The following KPNA3 variants were observed in gnomAD, a reference collection of about 807,000 sequenced individuals.
KPNA3 encodes the protein karyopherin subunit alpha 3, also known as importin subunit alpha-4.
In KPNA3, 13 loss-of-function variants were observed where a neutral mutation model predicts 73.8. The observed-to-expected ratio is 0.18, with a 90% CI of 0.11 to 0.28. The LOEUF is 0.28. Ranked by LOEUF, KPNA3 falls within the 10% of genes least tolerant of loss-of-function variation. The probability of loss-of-function intolerance (pLI) is 1.00; values close to 1 mark genes in which losing one functional copy is unlikely to be tolerated. For missense variants in KPNA3, 360 were observed against 618.1 expected (o/e 0.58, Z 4.43); for synonymous variants, 186 against 206.9 (o/e 0.90, Z 0.87).
At chr13:49,757,920 T>C (rs1213791612) in intron 1 of KPNA3, among the ~76,000 whole-genome samples, 3 of 152,092 alleles carry the variant, frequency 2.0e-5, no homozygotes, top group African/African-American at 7.2e-5. Context: ...CTGGGGAAAC[T>C]GGAGAAAGGA....
At chr13:49,725,316 A>C in intron 7 of KPNA3, 100 bp downstream of exon 7, 1 of 548,582 alleles carries the variant, frequency 1.8e-6, no homozygotes, top group South Asian at 3.4e-5. Flanking sequence ...AAAAGTCATC[A>C]TTTAAAAAAT....
chr13:49,736,141 GGTTTT>G (rs1173774800), intron 2 of KPNA3, among the ~76,000 whole-genome samples: 1 of 151,790 alleles, frequency 6.6e-6, no homozygotes, highest in Non-Finnish European at 1.5e-5. Flanking sequence ...TAGTTCCTTG[GGTTTT>G]GTTTTGTTTT....
chr13:49,699,434 T>C lies in KPNA3; in HGVS notation c.*2366A>G, dbSNP rs1954127539. 6.5e-6 allele frequency: 1 copy of C among 152,704 alleles called. No homozygotes were observed. Among genetic ancestry groups the C allele is most frequent in the South Asian group, 2.1e-4 (1 of 4,828 alleles). 9.5% of individuals were successfully genotyped at this position (152,704 alleles called of 1,614,324 possible). A position where few individuals can be genotyped will look rare whatever the true frequency, so the allele number is the denominator to read the frequency against. On this transcript the variant is annotated 3_prime_UTR_variant, in exon 17 of 17. Coordinates refer to ENST00000261667, the MANE Select transcript of KPNA3 (RefSeq NM_002267.4). ...AAAGAACGTTTTAGTCTTTTTAAAC[T>C]GAGTTTAAAAAAAAATAACAATGCA...
intron 11 of KPNA3, among the ~76,000 whole-genome samples, chr13:49,710,092 A>AT (rs1954246389): frequency 1.3e-5 from 2 of 152,148 alleles, no homozygotes; most frequent in Admixed American, 1.3e-4. Flanking sequence ...GTGAAACTCC[A>AT]TCTCTACTAG....
chr13:49,717,440 G>GA lies in KPNA3; in HGVS notation c.771+2334dup, dbSNP rs61581557. Among the ~76,000 whole-genome samples, 1,167 of 126,886 alleles carry GA rather than the reference G, an allele frequency of 9.2e-3. 26 individuals are homozygous for GA. Among genetic ancestry groups the GA allele is most frequent in the Admixed American group, 0.024 (270 of 11,290 alleles). The allele number at this position is 126,886 out of a possible 152,430, so 83.2% of individuals were successfully genotyped here. Reference sequence around the variant, plus strand: ...GCAAGACTCCATCTCGGAAAAAAAAGAAAAAAAAAAAAAAAAGAATCAAAG... The same window carrying GA: ...GCAAGACTCCATCTCGGAAAAAAAAGAAAAAAAAAAAAAAAAAGAATCAAAG... On this transcript the variant is annotated intron_variant, in intron 10 of 16. Coordinates refer to ENST00000261667, the MANE Select transcript of KPNA3 (RefSeq NM_002267.4).
intron 7 of KPNA3, among the ~76,000 whole-genome samples, chr13:49,723,241 T>A (rs1954376862): frequency 6.6e-6 from 1 of 152,146 alleles, no homozygotes. Flanking sequence ...TGTGAGGACA[T>A]CGCCACAATC....
At chr13:49,729,513 G>A (rs1174406013) in intron 6 of KPNA3, among the ~76,000 whole-genome samples, 4 of 152,180 alleles carry the variant, frequency 2.6e-5, no homozygotes, top group African/African-American at 9.7e-5. Context: ...GGCCGAGTGC[G>A]GTGGCTCACG....
In KPNA3 at chr13:49,709,790, C is replaced by T. The variant is rs1954242983; in HGVS notation, c.904-90G>A. 4.9e-6 allele frequency: 6 copies of T among 1,233,902 alleles called. No individual in the cohort carries two copies. The Admixed American group carries it at 1.2e-4, about 24-fold the overall frequency. The allele number at this position is 1,233,902 out of a possible 1,614,324, so 76.4% of individuals were successfully genotyped here. On this transcript the variant is annotated intron_variant, in intron 11 of 16. Transcript: ENST00000261667. Reference sequence around the variant, plus strand: ...ATAATCCTGAGAAAAAGTAAAAATGCAAGGCATAAATAACACTTATTTCAT... The same window carrying T: ...ATAATCCTGAGAAAAAGTAAAAATGTAAGGCATAAATAACACTTATTTCAT...
intron 7 of KPNA3, among the ~76,000 whole-genome samples, chr13:49,725,054 C>T (rs539145565): frequency 1.3e-5 from 2 of 152,272 alleles, no homozygotes; most frequent in South Asian, 2.1e-4. Context: ...GAGCTTGTGT[C>T]AGTGTCATTT....
At chr13:49,718,292 G>C (rs1408815415) in intron 10 of KPNA3, among the ~76,000 whole-genome samples, 3 of 152,126 alleles carry the variant, frequency 2.0e-5, no homozygotes, top group Non-Finnish European at 4.4e-5. Context: ...TAAGGTCTTA[G>C]AAGGCATGGT....
intron 1 of KPNA3, among the ~76,000 whole-genome samples, chr13:49,769,087 C>A (rs1024597790): frequency 6.6e-6 from 1 of 152,026 alleles, no homozygotes; most frequent in Non-Finnish European, 1.5e-5. Flanking sequence ...CTCTCCAGTA[C>A]CTTTAAAGAA....
intron 1 of KPNA3, among the ~76,000 whole-genome samples, chr13:49,771,652 G>T (rs1462404550): frequency 1.3e-5 from 2 of 152,132 alleles, no homozygotes; most frequent in East Asian, 1.9e-4. Context: ...TTGAGACAGG[G>T]TCTCACTCTG....
intron 2 of KPNA3, among the ~76,000 whole-genome samples, chr13:49,743,397 T>C (rs937901141): frequency 6.6e-6 from 1 of 152,200 alleles, no homozygotes; most frequent in African/African-American, 2.4e-5. Context: ...CAATTAAGTT[T>C]TGTCTGAATA....
chr13:49,738,502 C>T (rs1474322915), intron 2 of KPNA3, among the ~76,000 whole-genome samples: 2 of 152,188 alleles, frequency 1.3e-5, no homozygotes, highest in Non-Finnish European at 2.9e-5. Context: ...ATACATCTCT[C>T]CATTTACTTG....
chr13:49,780,327 A>G (rs1452112038), intron 1 of KPNA3, among the ~76,000 whole-genome samples: 1 of 152,150 alleles, frequency 6.6e-6, no homozygotes, highest in African/African-American at 2.4e-5. Context: ...CCTAATATTT[A>G]GGCTTTTAAA....
intron 1 of KPNA3, among the ~76,000 whole-genome samples, chr13:49,785,044 A>G (rs1954970755): frequency 6.6e-6 from 1 of 152,194 alleles, no homozygotes; most frequent in Admixed American, 6.5e-5. Context: ...CCAGTCAGCA[A>G]GATGGCCCTG....
At position 49,751,192 on chromosome 13, in the gene KPNA3, C is replaced by T. The variant is rs568213399; in HGVS notation, c.70-4199G>A. ...TAATATACTTGTTCCCTTCCTAACA[C>T]CCTCACCAAAAAGATCCCCCACATC... On this transcript the variant is annotated intron_variant, in intron 1 of 16. Coordinates refer to ENST00000261667, the MANE Select transcript of KPNA3 (RefSeq NM_002267.4). Among the ~76,000 whole-genome samples the T allele has an allele frequency of 5.7e-4, 87 of 152,202 alleles. 2 individuals carry two copies. Among genetic ancestry groups the T allele is most frequent in the Middle Eastern group, 3.4e-3 (1 of 294 alleles).
At chr13:49,721,233 G>GA (rs769052438) in intron 9 of KPNA3, among the ~76,000 whole-genome samples, 12 of 146,148 alleles carry the variant, frequency 8.2e-5, no homozygotes, top group Non-Finnish European at 1.6e-4. Context: ...AGAAGAAGAA[G>GA]AAAAAAAATC....
At chr13:49,749,680 C>T (rs192088205) in intron 1 of KPNA3, among the ~76,000 whole-genome samples, 110 of 152,288 alleles carry the variant, frequency 7.2e-4, no homozygotes, top group African/African-American at 2.6e-3. Context: ...CTTACTAATA[C>T]ATATTTATAT....
Sources: allele counts gnomAD v4.1 joint callset (sites outside exome capture counted in the v4.1 genomes callset), GRCh38; gene constraint gnomAD v4.1.1; transcripts MANE v1.5; gene names NCBI Gene and HGNC (gene_info 2026-07-23, HGNC 2026-07-21).